DRG1: variants seen among roughly 807,000 people sequenced by gnomAD.
DRG1 encodes developmentally-regulated GTP-binding protein 1.
In DRG1, 19 loss-of-function variants were observed where a neutral mutation model predicts 38.8. The observed-to-expected ratio is 0.49, with a 90% CI of 0.34 to 0.72. DRG1 has a LOEUF of 0.72. Ranked by LOEUF, DRG1 falls within the 30% of genes least tolerant of loss-of-function variation. The probability of loss-of-function intolerance (pLI) is 0.01; values close to 1 mark genes in which losing one functional copy is unlikely to be tolerated. For synonymous variants in DRG1, 167 were observed against 157.5 expected (o/e 1.06, Z -0.45); for missense variants, 299 against 444.8 (o/e 0.67, Z 2.95).
At chr22:31,403,344 C>T (rs777461418) in intron 3 of DRG1, 140 bp downstream of exon 3, 264 of 938,112 alleles carry the variant, frequency 2.8e-4, no homozygotes, top group Non-Finnish European at 2.5e-4. Flanking sequence ...TAGAGCAGTA[C>T]GATAATAAAA....
rs921272935 is a variant in DRG1, at chr22:31,401,672, C to CTTG, written c.166+930_166+932dup. On this transcript the variant is annotated intron_variant, in intron 2 of 8. Coordinates refer to ENST00000331457, the MANE Select transcript of DRG1 (RefSeq NM_004147.4). ...TTGGGAGGCTGAGTTGGGAGGACTG[C>CTTG]TTGAACCCAGGAGGTTGAGGCTGCA... Among the ~76,000 whole-genome samples, 106 of 151,160 alleles carry CTTG rather than the reference C, an allele frequency of 7.0e-4. 1 individual carries two copies. The highest frequency in any genetic ancestry group is 2.4e-3 in the East Asian group (12 of 5,090).
chr22:31,431,498 T>C (rs943411989), intron 8 of DRG1, among the ~76,000 whole-genome samples: 20 of 152,024 alleles, frequency 1.3e-4, no homozygotes, highest in Non-Finnish European at 2.2e-4. Context: ...GACCCCGTTT[T>C]TATCAAAAAT....
At chr22:31,410,294 A>C (rs762801978) in intron 3 of DRG1, among the ~76,000 whole-genome samples, 14 of 151,680 alleles carry the variant, frequency 9.2e-5, no homozygotes, top group Non-Finnish European at 1.5e-4. Context: ...GTCCCTACTA[A>C]AAATACAAAA....
chr22:31,428,217 C>CTT lies in DRG1; in HGVS notation c.1004+1046_1004+1047dup, dbSNP rs59696131. ...AAGTTGCAAATACAGCACAAAGTTTCTTTTTTTTTTTTGAGACGGAGTCTC... is the reference window on the plus strand; with the variant it reads ...AAGTTGCAAATACAGCACAAAGTTTCTTTTTTTTTTTTTTGAGACGGAGTCTC... On this transcript the variant is annotated intron_variant, in intron 8 of 8. Coordinates refer to ENST00000331457, the MANE Select transcript of DRG1 (RefSeq NM_004147.4). Among the ~76,000 whole-genome samples the CTT allele has an allele frequency of 2.2e-4, 31 of 143,862 alleles. No individual in the cohort carries two copies. The East Asian group carries it at 4.7e-3, about 22-fold the overall frequency. 94.4% of individuals were successfully genotyped at this position (143,862 alleles called of 152,430 possible). A position where few individuals can be genotyped will look rare whatever the true frequency, so the allele number is the denominator to read the frequency against.
chr22:31,431,968 TA>T (rs1026575838), intron 8 of DRG1, among the ~76,000 whole-genome samples: 3 of 151,862 alleles, frequency 2.0e-5, no homozygotes, highest in African/African-American at 4.8e-5. Flanking sequence ...ACCAGGGAAT[TA>T]AAAAGGGGAG....
intron 4 of DRG1, among the ~76,000 whole-genome samples, chr22:31,412,288 C>T (rs1216868128): frequency 6.6e-6 from 1 of 151,294 alleles, no homozygotes; most frequent in Non-Finnish European, 1.5e-5. Flanking sequence ...AAAAAAAAAG[C>T]TACTTCAGCA....
intron 4 of DRG1, among the ~76,000 whole-genome samples, chr22:31,412,932 A>G (rs1235772955): frequency 6.7e-6 from 1 of 150,332 alleles, no homozygotes; most frequent in East Asian, 2.0e-4. Context: ...TTTAATTTCC[A>G]TCTCCCTTTC....
intron 5 of DRG1, among the ~76,000 whole-genome samples, chr22:31,422,995 C>G (rs1302915264): frequency 6.6e-6 from 1 of 152,048 alleles, no homozygotes; most frequent in South Asian, 2.1e-4. Context: ...ATTTGATTAC[C>G]GCTTTAAAGA....
At position 31,423,863 on chromosome 22, in the gene DRG1, CT is replaced by C. The variant is rs71202076; in HGVS notation, c.713+471del. ...CTTAAATGATAGTGGGCTTTGGTTT[CT>C]TTTTTTTTTTTTTTTTTGAGATAGA... On this transcript the variant is annotated intron_variant, in intron 6 of 8. Transcript: ENST00000331457. Among the ~76,000 whole-genome samples the C allele has an allele frequency of 2.0e-3, 240 of 119,240 alleles. 1 individual carries two copies. Among genetic ancestry groups the C allele is most frequent in the South Asian group, 6.9e-3 (25 of 3,636 alleles). 78.2% of individuals were successfully genotyped at this position (119,240 alleles called of 152,430 possible). A position where few individuals can be genotyped will look rare whatever the true frequency, so the allele number is the denominator to read the frequency against.
At chr22:31,432,728 T>C (rs2050146867) in intron 8 of DRG1, among the ~76,000 whole-genome samples, 1 of 151,724 alleles carries the variant, frequency 6.6e-6, no homozygotes, top group Admixed American at 6.6e-5. Flanking sequence ...CCTGGCCTAA[T>C]TTTTGTATTT....
rs756488418 is a variant in DRG1, at chr22:31,420,343, G to C, written c.500G>C (p.Gly167Ala). 3 of 1,614,030 alleles carry C rather than the reference G, an allele frequency of 1.9e-6. No homozygotes were observed. Among genetic ancestry groups the C allele is most frequent in the Non-Finnish European group, 2.5e-6 (3 of 1,180,044 alleles). Residue 167 changes from glycine to alanine, a missense_variant, in exon 5 of 9, where the codon GGC (glycine) becomes GCC (alanine). Coordinates refer to ENST00000331457, the MANE Select transcript of DRG1 (RefSeq NM_004147.4). Reference sequence around the variant, plus strand: ...AAGATAATTGAAAATGAGCTGGAAGGCTTTGGCATTCGCTTGAACAGCAAA... The same window carrying C: ...AAGATAATTGAAAATGAGCTGGAAGCCTTTGGCATTCGCTTGAACAGCAAA... ...HKKIIENELE[G>A]FGIRLNSKPP...
chr22:31,433,981 C>G lies in DRG1; in HGVS notation c.*10C>G, dbSNP rs748927639. 6.2e-7 allele frequency: 1 copy of G among 1,612,226 alleles called. No individual in the cohort carries two copies. Reference sequence around the variant, plus strand: ...AATTGTGAAGAAGTGAAACCTTTCCCTTTTCCCATCTGCCGGACGAACCAC... The same window carrying G: ...AATTGTGAAGAAGTGAAACCTTTCCGTTTTCCCATCTGCCGGACGAACCAC... On this transcript the variant is annotated 3_prime_UTR_variant, in exon 9 of 9. Coordinates refer to ENST00000331457, the MANE Select transcript of DRG1 (RefSeq NM_004147.4).
intron 6 of DRG1, 56 bp from the exon 7 acceptor site, chr22:31,426,559 T>G: frequency 6.6e-7 from 1 of 1,514,540 alleles, no homozygotes; most frequent in Non-Finnish European, 9.0e-7. Flanking sequence ...TTCAACAGTC[T>G]GACAGTTCTG....
At chr22:31,431,650 C>T (rs144725242) in intron 8 of DRG1, among the ~76,000 whole-genome samples, 8 of 152,230 alleles carry the variant, frequency 5.3e-5, no homozygotes, top group South Asian at 2.1e-4. Flanking sequence ...GCCTGGGCAG[C>T]GGACTGAGAC....
chr22:31,410,351 A>T (rs953926202), intron 3 of DRG1, among the ~76,000 whole-genome samples: 3 of 151,810 alleles, frequency 2.0e-5, no homozygotes, highest in Admixed American at 2.0e-4. Context: ...GCTACTCGGG[A>T]ATTTGAGGCA....
chr22:31,432,500 A>G (rs955912206), intron 8 of DRG1, among the ~76,000 whole-genome samples: 19 of 150,726 alleles, frequency 1.3e-4, no homozygotes, highest in African/African-American at 4.6e-4. Context: ...ATCTTGGCTC[A>G]CTGCAACCTC....
At position 31,426,786 on chromosome 22, in the gene DRG1, A is replaced by T. The variant is rs1467844194; in HGVS notation, c.881+4A>T. The T allele has an allele frequency of 6.2e-7, 1 of 1,613,668 alleles. No homozygotes were observed. Among genetic ancestry groups the T allele is most frequent in the Non-Finnish European group, 8.5e-7 (1 of 1,179,844 alleles). Reference sequence around the variant, plus strand: ...ACTATCTGAAACTAGTGAGAATGTAAGTCTTTGTGGATAGGGTAATGTTGC... The same window carrying T: ...ACTATCTGAAACTAGTGAGAATGTATGTCTTTGTGGATAGGGTAATGTTGC... On this transcript the variant is annotated splice_donor_region_variant and intron_variant, in intron 7 of 8. Coordinates refer to ENST00000331457, the MANE Select transcript of DRG1 (RefSeq NM_004147.4).
At chr22:31,430,884 A>AT (rs1056394566) in intron 8 of DRG1, among the ~76,000 whole-genome samples, 2 of 148,890 alleles carry the variant, frequency 1.3e-5, no homozygotes, top group East Asian at 2.0e-4. Context: ...TGCCCAGCAA[A>AT]TTTTTTTTTT....
chr22:31,402,928 A>G, intron 2 of DRG1, 101 bp from the exon 3 acceptor site: 1 of 1,318,370 alleles, frequency 7.6e-7, no homozygotes, highest in South Asian at 1.6e-5. Context: ...TTTGAGAAAT[A>G]GTGCCTAGAG....
Sources: allele counts gnomAD v4.1 joint callset (sites outside exome capture counted in the v4.1 genomes callset), GRCh38; gene constraint gnomAD v4.1.1; transcripts MANE v1.5; gene names NCBI Gene and HGNC (gene_info 2026-07-23, HGNC 2026-07-21).